KCNJ16: variants seen among roughly 807,000 people sequenced by gnomAD.
KCNJ16 encodes the protein potassium inwardly rectifying channel subfamily J member 16.
In KCNJ16, 15 loss-of-function variants were observed where a neutral mutation model predicts 18.5. The ratio of observed to expected loss-of-function variants is 0.81; its 90% CI spans 0.54 to 1.25. The LOEUF (loss-of-function observed/expected upper bound fraction) is 1.25, where lower values mean the gene tolerates loss of function less well. Among genes scored for constraint, KCNJ16 ranks in the 50% most tolerant of loss-of-function variants. The probability of loss-of-function intolerance (pLI) is 0.00; values close to 1 mark genes in which losing one functional copy is unlikely to be tolerated. For missense variants in KCNJ16, 523 were observed against 525.7 expected (o/e 0.99, Z 0.05); for synonymous variants, 174 against 186.5 (o/e 0.93, Z 0.55).
chr17:70,115,984 G>T (rs1255992022), intron 2 of KCNJ16, among the ~76,000 whole-genome samples: 1 of 152,064 alleles, frequency 6.6e-6, no homozygotes, highest in African/African-American at 2.4e-5. Flanking sequence ...CCTTTACAAA[G>T]CCTCAGAATT....
intron 1 of KCNJ16, among the ~76,000 whole-genome samples, chr17:70,099,459 A>C (rs939716744): frequency 2.0e-5 from 3 of 152,100 alleles, no homozygotes; most frequent in African/African-American, 7.2e-5. Context: ...AGTTTAAGGA[A>C]GGACTTCCTC....
chr17:70,084,705 T>C (rs1211121362), intron 1 of KCNJ16, among the ~76,000 whole-genome samples: 1 of 152,162 alleles, frequency 6.6e-6, no homozygotes, highest in East Asian at 1.9e-4. Flanking sequence ...ATTATGCTGA[T>C]TTTGCTAATC....
At chr17:70,115,458 G>A (rs1346582108) in intron 2 of KCNJ16, among the ~76,000 whole-genome samples, 2 of 152,094 alleles carry the variant, frequency 1.3e-5, no homozygotes, top group Non-Finnish European at 2.9e-5. Flanking sequence ...TCTAGCAATA[G>A]AGACCTCAAA....
chr17:70,091,783 A>C (rs1299769441), intron 1 of KCNJ16, among the ~76,000 whole-genome samples: 1 of 152,194 alleles, frequency 6.6e-6, no homozygotes. Context: ...CCCTTGAATC[A>C]TCCTGATGTA....
At chr17:70,116,675 A>G (rs1415409018) in intron 2 of KCNJ16, among the ~76,000 whole-genome samples, 1 of 152,248 alleles carries the variant, frequency 6.6e-6, no homozygotes, top group Non-Finnish European at 1.5e-5. Flanking sequence ...AAAAGAAGAC[A>G]TACAAGCAGT....
intron 1 of KCNJ16, among the ~76,000 whole-genome samples, chr17:70,077,890 T>C (rs1014635320): frequency 6.6e-6 from 1 of 152,162 alleles, no homozygotes; most frequent in African/African-American, 2.4e-5. Flanking sequence ...AGATAGTTTA[T>C]CTGAAATGCA....
intron 1 of KCNJ16, chr17:70,096,617 T>C (rs968969067): frequency 4.1e-6 from 1 of 245,132 alleles, no homozygotes; most frequent in Non-Finnish European, 7.7e-6. Context: ...TACATCATAA[T>C]AGGTGCCTAT....
intron 2 of KCNJ16, among the ~76,000 whole-genome samples, chr17:70,106,403 C>G (rs1005596968): frequency 2.0e-5 from 3 of 152,016 alleles, no homozygotes; most frequent in Non-Finnish European, 2.9e-5. Context: ...AATTGTGTAC[C>G]TGACACACAA....
At chr17:70,126,619 G>C (rs1485298621) in intron 2 of KCNJ16, among the ~76,000 whole-genome samples, 5 of 152,146 alleles carry the variant, frequency 3.3e-5, no homozygotes, top group African/African-American at 1.2e-4. Context: ...AGGAAGTTGA[G>C]GGCAGACCTG....
chr17:70,086,414 GA>G (rs1330960442), intron 1 of KCNJ16, among the ~76,000 whole-genome samples: 16 of 152,170 alleles, frequency 1.1e-4, no homozygotes, highest in Admixed American at 1.0e-3. Flanking sequence ...GTGAGCACAA[GA>G]AAAGTGTATT....
intron 3 of KCNJ16, chr17:70,131,323 A>C (rs1217918949): frequency 3.6e-6 from 4 of 1,109,936 alleles, no homozygotes; most frequent in Admixed American, 4.5e-5. Context: ...GAGGTTAAGA[A>C]AGATGCATTT....
chr17:70,077,025 C>T (rs2071343362), intron 1 of KCNJ16, among the ~76,000 whole-genome samples: 1 of 152,090 alleles, frequency 6.6e-6, no homozygotes, highest in African/African-American at 2.4e-5. Context: ...TAGCCAAAGA[C>T]CTGGAGGTGG....
intron 1 of KCNJ16, among the ~76,000 whole-genome samples, chr17:70,086,940 C>T (rs2071823025): frequency 6.6e-6 from 1 of 152,062 alleles, no homozygotes; most frequent in Non-Finnish European, 1.5e-5. Flanking sequence ...ACTCTGTCAC[C>T]CAGGCTGGAG....
chr17:70,135,362 C>G lies in KCNJ16; in HGVS notation c.*2018C>G, dbSNP rs935018700. 1 of 167,008 alleles carries G rather than the reference C, an allele frequency of 6.0e-6. No individual in the cohort carries two copies. Among genetic ancestry groups the G allele is most frequent in the African/African-American group, 2.4e-5 (1 of 41,416 alleles). The allele number at this position is 167,008 out of a possible 1,614,324, so 10.3% of individuals were successfully genotyped here. On this transcript the variant is annotated 3_prime_UTR_variant, in exon 4 of 4. Transcript: ENST00000392671. ...CTACATCTAGTTTCATTTCATCTTGCTTTGCTTTGTTGACTCTGCTACCGC... is the reference window on the plus strand; with the variant it reads ...CTACATCTAGTTTCATTTCATCTTGGTTTGCTTTGTTGACTCTGCTACCGC...
At chr17:70,114,839 A>G (rs907663917) in intron 2 of KCNJ16, among the ~76,000 whole-genome samples, 2 of 152,174 alleles carry the variant, frequency 1.3e-5, no homozygotes, top group Non-Finnish European at 2.9e-5. Flanking sequence ...ATTAATCTAC[A>G]TAAGATAATT....
chr17:70,079,396 C>T (rs916835340), intron 1 of KCNJ16, among the ~76,000 whole-genome samples: 4 of 152,184 alleles, frequency 2.6e-5, no homozygotes, highest in Non-Finnish European at 4.4e-5. Context: ...ATGTTCCTCA[C>T]ATCTAATATG....
At position 70,132,553 on chromosome 17, in the gene KCNJ16, T is replaced by C; in HGVS notation, c.466T>C (p.Leu156=). The C allele has an allele frequency of 6.2e-7, 1 of 1,614,252 alleles. No individual in the cohort carries two copies. Among genetic ancestry groups the C allele is most frequent in the Non-Finnish European group, 8.5e-7 (1 of 1,180,044 alleles). The part of the protein sequence containing the change: ...AVLMVILQSI[L]SCIINTFIIG... Reference sequence around the variant, plus strand: ...GCTCATGGTGATCCTCCAGTCCATCTTAAGTTGCATCATAAATACCTTTAT... The same window carrying C: ...GCTCATGGTGATCCTCCAGTCCATCCTAAGTTGCATCATAAATACCTTTAT... Residue 156 remains leucine (L), a synonymous_variant, in exon 4 of 4, where the codon TTA becomes CTA. Coordinates refer to ENST00000392671, the MANE Select transcript of KCNJ16 (RefSeq NM_170741.4).
intron 1 of KCNJ16, among the ~76,000 whole-genome samples, chr17:70,086,143 C>T (rs1245354700): frequency 2.6e-5 from 4 of 151,992 alleles, no homozygotes; most frequent in African/African-American, 7.2e-5. Flanking sequence ...AAATATTATA[C>T]AAATATTGAT....
intron 1 of KCNJ16, chr17:70,096,762 G>A (rs369058586): frequency 2.6e-5 from 10 of 384,606 alleles, no homozygotes; most frequent in East Asian, 2.6e-4. Flanking sequence ...ATCTCAGAGC[G>A]AGCGTGAATG....
Sources: gnomAD v4.1 joint callset for allele counts (sites outside exome capture counted in the v4.1 genomes callset) on GRCh38, gnomAD v4.1.1 for gene constraint, MANE v1.5 for transcripts, NCBI Gene and HGNC (gene_info 2026-07-23, HGNC 2026-07-21) for gene names.